Variants in RADIL observed in about 807,000 individuals in gnomAD.
RADIL encodes Rap associating with DIL domain, also known as ras-associating and dilute domain-containing protein.
A neutral mutation model predicts 97.6 loss-of-function variants in RADIL; 99 were observed. The observed-to-expected ratio is 1.01, with a 90% CI of 0.86 to 1.20. RADIL has a LOEUF of 1.20. Among genes scored for constraint, RADIL ranks in the 50% most tolerant of loss-of-function variants. The pLI, the probability that RADIL is intolerant of heterozygous loss-of-function variation, is 0.00. For missense variants in RADIL, 1,765 were observed against 1,498.9 expected, an observed-to-expected ratio of 1.18 and a Z score of -2.93; for synonymous variants, 803 against 691.8, an observed-to-expected ratio of 1.16 and a Z score of -2.52.
chr7:4,809,016 GCCC>G lies in RADIL; in HGVS notation c.2140-3303_2140-3301del, dbSNP rs1292147767. ...CCCCGCGTCCCCTTCCGACGCCACTGCCCCCCCTTGTCCCCTTCCGACGCCACT... is the reference window on the plus strand; with the variant it reads ...CCCCGCGTCCCCTTCCGACGCCACTGCCCCTTGTCCCCTTCCGACGCCACT... On this transcript the variant is annotated intron_variant, in intron 9 of 14. Transcript: ENST00000399583. 2.0e-4 allele frequency: 135 copies of G among 689,000 alleles called. 12 individuals carry two copies. In the South Asian group the frequency reaches 8.5e-3, roughly 44 times the overall value. The allele number at this position is 689,000 out of a possible 1,614,324, so 42.7% of individuals were successfully genotyped here.
In RADIL at chr7:4,867,983, G is replaced by A. The variant is rs150523495; in HGVS notation, c.535+9622C>T. 6.6e-5 allele frequency among the ~76,000 whole-genome samples: 10 copies of A among 152,320 alleles called. No homozygotes were observed. Among genetic ancestry groups the A allele is most frequent in the South Asian group, 2.1e-4 (1 of 4,828 alleles). ...GACGGCTGTCCTGCATTAGGCATTC[G>A]GTCATGGCTGCAGGCCAGAGTAAAC... is the stretch of plus-strand genomic sequence containing the variant. On this transcript the variant is annotated intron_variant, in intron 2 of 14. Transcript: ENST00000399583. This position sits in a 1 kb window ranked among gnomAD's most constrained non-coding sequence, Gnocchi z 4.1.
rs748108367 is a variant in RADIL at position 4,822,430 on chromosome 7, A to T, written c.1579T>A (p.Tyr527Asn). 1.9e-6 allele frequency: 3 copies of T among 1,612,870 alleles called. No homozygotes were observed. The East Asian group carries it at 6.7e-5, about 36-fold the overall frequency. Residue 527 changes from tyrosine to asparagine, a missense_variant, in exon 6 of 15, where the codon TAC (tyrosine) becomes AAC (asparagine). By Grantham distance (143) the Tyr-to-Asn change is moderately radical. Coordinates refer to ENST00000399583, the MANE Select transcript of RADIL (RefSeq NM_018059.5). This position sits in a 1 kb window ranked among gnomAD's most constrained non-coding sequence, Gnocchi z 5.3. ...LYFIQQKCPL[Y>N]MQSMEEQLDI... ...AGCTGCTCCTCCATGCTCTGCATGT[A>T]GAGTGGGCATTTCTGCTGGATAAAG...
Position 4,815,404 on chromosome 7 carries a change from G to A in RADIL, c.2013C>T (p.Cys671=), listed in dbSNP as rs61269946. The part of the protein sequence containing the change: ...CFHWPRGVQA[C]ARLQQLLEWM... The stretch of plus-strand genomic sequence containing the variant: ...ACTCCAGGAGCTGCTGCAGGCGGGC[G>A]CAGGCCTGGACACCTCTGGGCCAGT... The change falls in exon 9 of 15, where the codon TGC becomes TGT. Residue 671 remains cysteine, a synonymous_variant. Transcript: ENST00000399583. The surrounding 1 kb of genome is among the most constrained non-coding windows in gnomAD (Gnocchi z 8.0). 9,279 of 1,562,666 alleles carry A rather than the reference G, an allele frequency of 5.9e-3. 473 individuals carry two copies. In the African/African-American group the frequency reaches 0.11, roughly 19 times the overall value.
In RADIL at chr7:4,873,024, G is replaced by A. The variant is rs1321541154; in HGVS notation, c.535+4581C>T. 2.6e-5 allele frequency among the ~76,000 whole-genome samples: 4 copies of A among 152,158 alleles called. No individual in the cohort carries two copies. The highest frequency in any genetic ancestry group is 9.7e-5 in the African/African-American group (4 of 41,424). On this transcript the variant is annotated intron_variant, in intron 2 of 14. Coordinates refer to ENST00000399583, the MANE Select transcript of RADIL (RefSeq NM_018059.5). This position sits in a 1 kb window ranked among gnomAD's most constrained non-coding sequence, Gnocchi z 4.3. ...GCGATCTCAGCTCACTGCAACCTCCGCCTCCTGGGTTCAAGCGATTCTCTG... is the reference window on the plus strand; with the variant it reads ...GCGATCTCAGCTCACTGCAACCTCCACCTCCTGGGTTCAAGCGATTCTCTG...
intron 9 of RADIL, chr7:4,809,474 G>C (rs936549760): frequency 2.3e-5 from 23 of 985,262 alleles, no homozygotes; most frequent in Non-Finnish European, 2.8e-5. Context: ...TTTCCCCCGA[G>C]GAACACGCTT....
intron 2 of RADIL, chr7:4,857,737 C>T (rs923443333): frequency 2.0e-5 from 3 of 152,544 alleles, no homozygotes; most frequent in African/African-American, 7.2e-5. Context: ...TTTCACTTTG[C>T]TTGTTTGCCA....
rs58900044 is a variant in RADIL at position 4,881,101 on chromosome 7, TA to T, written c.-65+2494del. Among the ~76,000 whole-genome samples the T allele has an allele frequency of 9.4e-3, 519 of 55,192 alleles. 27 individuals carry two copies. The highest frequency in any genetic ancestry group is 0.028 in the African/African-American group (459 of 16,360). 36.2% of individuals were successfully genotyped at this position (55,192 alleles called of 152,430 possible). On this transcript the variant is annotated intron_variant, in intron 1 of 14. Coordinates refer to ENST00000399583, the MANE Select transcript of RADIL (RefSeq NM_018059.5). ...GGCAATGGAGTGAGACCCTCTCTGT[TA>T]AAAAAAAAAAAAAAAAAAAAAAAAA...
chr7:4,860,403 T>C (rs1487736703), intron 2 of RADIL: 6 of 1,613,638 alleles, frequency 3.7e-6, no homozygotes, highest in Non-Finnish European at 5.1e-6. Flanking sequence ...ACTGCTTGCC[T>C]ATAAACAGTA....
intron 11 of RADIL, 109 bp downstream of exon 11, chr7:4,803,437 G>T: frequency 1.0e-6 from 1 of 964,134 alleles, no homozygotes; most frequent in Non-Finnish European, 1.4e-6. Flanking sequence ...GGCACCTCGG[G>T]GCACGCTGGC....
intron 2 of RADIL, chr7:4,859,369 C>T (rs1783914814): frequency 6.5e-6 from 1 of 153,730 alleles, no homozygotes; most frequent in African/African-American, 2.4e-5. Context: ...AAGCATAAAT[C>T]CAGTCCAGAT....
chr7:4,804,257 T>C lies in RADIL; in HGVS notation c.2291-503A>G, dbSNP rs879835025. On this transcript the variant is annotated intron_variant, in intron 10 of 14. Transcript: ENST00000399583. ...GAAGAGTGCGTGCATACTGAGCTCC[T>C]AGCTCCCAGCACAGAATTCAGGCCA... Among the ~76,000 whole-genome samples the C allele has an allele frequency of 4.6e-5, 7 of 152,184 alleles. 1 individual carries two copies. Among genetic ancestry groups the C allele is most frequent in the Admixed American group, 2.6e-4 (4 of 15,280 alleles).
In RADIL at chr7:4,799,441, G is replaced by A; in HGVS notation, c.3165C>T (p.Phe1055=). The part of the protein sequence containing the change: ...LIRHGGKKMR[F]LVAKSDVETA... ...TTTCCACGTCGGACTTCGCGACCAG[G>A]AACCGCATCTTCTTCCCGCCATGAC... is the stretch of plus-strand genomic sequence containing the variant. The change falls in exon 15 of 15, where the codon TTC becomes TTT. Residue 1055 remains phenylalanine, a synonymous_variant. Transcript: ENST00000399583. 1 of 1,613,814 alleles carries A rather than the reference G, an allele frequency of 6.2e-7. No individual in the cohort carries two copies.
intron 2 of RADIL, among the ~76,000 whole-genome samples, chr7:4,874,143 G>A (rs1044243240): frequency 4.6e-5 from 7 of 152,210 alleles, no homozygotes; most frequent in Admixed American, 1.3e-4. Context: ...TCCAACCCAC[G>A]GAAAGGCCGT....
At chr7:4,810,714 C>G (rs555501313) in intron 9 of RADIL, among the ~76,000 whole-genome samples, 1 of 152,232 alleles carries the variant, frequency 6.6e-6, no homozygotes. Flanking sequence ...CGCTGCCAGA[C>G]GGCTTTCCAA....
chr7:4,829,228 G>A lies in RADIL; in HGVS notation c.1454+2913C>T, dbSNP rs112751188. Reference sequence around the variant, plus strand: ...CCATCACCCTTCGATGCTATCCGGGGCCTGGCTTCTATGGAGCCCCCTCCT... The same window carrying A: ...CCATCACCCTTCGATGCTATCCGGGACCTGGCTTCTATGGAGCCCCCTCCT... On this transcript the variant is annotated intron_variant, in intron 5 of 14. Transcript: ENST00000399583. 1.5e-3 allele frequency among the ~76,000 whole-genome samples: 231 copies of A among 152,338 alleles called. 1 individual carries two copies. The highest frequency in any genetic ancestry group is 5.3e-3 in the African/African-American group (221 of 41,586).
At position 4,817,577 on chromosome 7, in the gene RADIL, G is replaced by A. The variant is rs1239894936; in HGVS notation, c.1616-226C>T. On this transcript the variant is annotated intron_variant, in intron 6 of 14. Transcript: ENST00000399583. This position sits in a 1 kb window ranked among gnomAD's most constrained non-coding sequence, Gnocchi z 8.3. ...AGGGGAATGCCGGGAGGGGCAGGAGGGGTCCAGACACCCAACATCTCAATG... is the reference window on the plus strand; with the variant it reads ...AGGGGAATGCCGGGAGGGGCAGGAGAGGTCCAGACACCCAACATCTCAATG... Among the ~76,000 whole-genome samples, 4 of 152,100 alleles carry A rather than the reference G, an allele frequency of 2.6e-5. No homozygotes were observed. The highest frequency in any genetic ancestry group is 2.6e-4 in the Admixed American group (4 of 15,270).
rs760682653 is a variant in RADIL at position 4,854,422 on chromosome 7, G to A, written c.536-17817C>T. Among the ~76,000 whole-genome samples, 1 of 152,294 alleles carries A rather than the reference G, an allele frequency of 6.6e-6. No individual in the cohort carries two copies. The highest frequency in any genetic ancestry group is 2.1e-4 in the South Asian group (1 of 4,822). ...GAGGTTACCACTTTGGGCCGGGCGC[G>A]GTGGCTCACGCCTGTAATCCCAGCA... is the stretch of plus-strand genomic sequence containing the variant. On this transcript the variant is annotated intron_variant, in intron 2 of 14. Transcript: ENST00000399583. The surrounding 1 kb of genome is among the most constrained non-coding windows in gnomAD (Gnocchi z 5.1).
intron 9 of RADIL, among the ~76,000 whole-genome samples, chr7:4,806,539 T>A (rs1583264222): frequency 2.0e-5 from 3 of 152,166 alleles, no homozygotes; most frequent in East Asian, 1.9e-4. Flanking sequence ...GAAGGGTGGA[T>A]CCCTCCAATA....
At chr7:4,871,351 A>G (rs1363969540) in intron 2 of RADIL, among the ~76,000 whole-genome samples, 1 of 152,342 alleles carries the variant, frequency 6.6e-6, no homozygotes, top group Admixed American at 6.5e-5. Context: ...ACAAGGGAGG[A>G]CAGAACTCAC....
Sources: gnomAD v4.1 joint callset for allele counts (sites outside exome capture counted in the v4.1 genomes callset) on GRCh38, gnomAD v4.1.1 for gene constraint, Gnocchi (gnomAD v3.1) non-coding constraint, MANE v1.5 for transcripts, NCBI Gene and HGNC (gene_info 2026-07-23, HGNC 2026-07-21) for gene names.